Variants in VPS45 observed in about 807,000 individuals in gnomAD.
VPS45 encodes the protein vacuolar protein sorting 45 homolog.
A neutral mutation model predicts 75.9 loss-of-function variants in VPS45; 35 were observed. The observed-to-expected ratio is 0.46, with a 90% CI of 0.35 to 0.61. VPS45 has a LOEUF of 0.61. VPS45 is among the 20% of genes least tolerant of loss of function. VPS45 has a pLI of 0.00. For synonymous variants in VPS45, 220 were observed against 238.2 expected, an observed-to-expected ratio of 0.92 and a Z score of 0.70; for missense variants, 559 against 685.9, an observed-to-expected ratio of 0.81 and a Z score of 2.07.
chr1:150,084,473 A>G (rs1655898622), intron 10 of VPS45, among the ~76,000 whole-genome samples: 2 of 152,192 alleles, frequency 1.3e-5, no homozygotes, highest in South Asian at 4.1e-4. Context: ...CAGGCTGGAT[A>G]TAAAGATAGA....
intron 13 of VPS45, among the ~76,000 whole-genome samples, chr1:150,095,346 G>A (rs1656562052): frequency 6.6e-6 from 1 of 152,194 alleles, no homozygotes; most frequent in African/African-American, 2.4e-5. Flanking sequence ...AGACACGGTG[G>A]CTCACGCCTG....
intron 3 of VPS45, among the ~76,000 whole-genome samples, chr1:150,072,531 C>T (rs1379840632): frequency 1.3e-5 from 2 of 152,022 alleles, no homozygotes; most frequent in African/African-American, 2.4e-5. Flanking sequence ...GTGGCACATG[C>T]CTGTAATCCC....
chr1:150,095,465 T>C lies in VPS45; in HGVS notation c.1493+1817T>C, dbSNP rs1268782413. 5.3e-5 allele frequency among the ~76,000 whole-genome samples: 8 copies of C among 152,062 alleles called. No homozygotes were observed. The East Asian group carries it at 1.5e-3, about 29-fold the overall frequency. Reference sequence around the variant, plus strand: ...CTGTCTCTACTAAAACTACAAAAATTAGCCTGGCGTGGGTAGCAGGCGCCT... The same window carrying C: ...CTGTCTCTACTAAAACTACAAAAATCAGCCTGGCGTGGGTAGCAGGCGCCT... On this transcript the variant is annotated intron_variant, in intron 13 of 14. Coordinates refer to ENST00000644510, the MANE Select transcript of VPS45 (RefSeq NM_007259.5).
At position 150,121,650 on chromosome 1, in the gene VPS45, A is replaced by G. The variant is rs367988864; in HGVS notation, c.1625+11023A>G. ...ATATGGCATGAGTCATTGCTATAGC[A>G]TCACAGAAATTTTCATCAACGTCTA... is the stretch of plus-strand genomic sequence containing the variant. On this transcript the variant is annotated intron_variant, in intron 14 of 14. Transcript: ENST00000644510. 1.2e-4 allele frequency among the ~76,000 whole-genome samples: 19 copies of G among 152,364 alleles called. 2 individuals carry two copies. Among genetic ancestry groups the G allele is most frequent in the East Asian group, 7.7e-4 (4 of 5,188 alleles).
intron 14 of VPS45, among the ~76,000 whole-genome samples, chr1:150,116,884 T>C (rs1347748417): frequency 6.6e-6 from 1 of 152,036 alleles, no homozygotes; most frequent in African/African-American, 2.4e-5. Flanking sequence ...TATCAGCAGG[T>C]TAAAATTAAA....
chr1:150,068,678 G>T lies in VPS45; in HGVS notation c.142G>T (p.Glu48Ter). 1.9e-6 allele frequency: 3 copies of T among 1,612,822 alleles called. No individual in the cohort carries two copies. The highest frequency in any genetic ancestry group is 2.5e-6 in the Non-Finnish European group (3 of 1,179,440). The change falls in exon 2 of 15, where the codon GAA becomes TAA. Residue 48 changes from glutamate (E) to a stop codon, truncating the protein, a stop_gained. Transcript: ENST00000644510. LOFTEE classifies it high-confidence loss of function. Reference sequence around the variant, plus strand: ...CACACAATCGGAGATTCTACAGAAGGAAGTGTACCTCTTTGAACGCATTGA... The same window carrying T: ...CACACAATCGGAGATTCTACAGAAGTAAGTGTACCTCTTTGAACGCATTGA... ...VYTQSEILQK[E>*]VYLFERIDSQ...
intron 13 of VPS45, chr1:150,098,916 T>C (rs1466807939): frequency 1.6e-6 from 2 of 1,241,062 alleles, no homozygotes; most frequent in African/African-American, 3.1e-5. Context: ...AGCTATATGA[T>C]CATGCATTCC....
chr1:150,116,786 G>A (rs587657949), intron 14 of VPS45, among the ~76,000 whole-genome samples: 1 of 152,252 alleles, frequency 6.6e-6, no homozygotes, highest in African/African-American at 2.4e-5. Context: ...TGACCCTTAA[G>A]TGATTCCTCT....
chr1:150,092,919 G>GCAAGCT (rs1373755558), intron 12 of VPS45, among the ~76,000 whole-genome samples: 1 of 127,178 alleles, frequency 7.9e-6, no homozygotes, highest in Non-Finnish European at 1.5e-5. Context: ...TCGGCTCACT[G>GCAAGCT]CAAGCTCTGC....
At chr1:150,093,420 C>A in intron 12 of VPS45, 107 bp from the exon 13 acceptor site, 1 of 1,219,086 alleles carries the variant, frequency 8.2e-7, no homozygotes. Flanking sequence ...TAAATCTATC[C>A]CATGAAATCT....
intron 4 of VPS45, 90 bp from the exon 5 acceptor site, chr1:150,076,826 G>T: frequency 7.0e-7 from 1 of 1,425,958 alleles, no homozygotes; most frequent in Non-Finnish European, 9.8e-7. Flanking sequence ...CACAAAGTTT[G>T]GCTATATCAT....
chr1:150,120,310 A>G (rs1421659082), intron 14 of VPS45, among the ~76,000 whole-genome samples: 1 of 152,182 alleles, frequency 6.6e-6, no homozygotes, highest in Non-Finnish European at 1.5e-5. Flanking sequence ...TGGTTTCTCT[A>G]TTTTTATTTC....
rs952072357 is a variant in VPS45, at chr1:150,082,036, G to T, written c.936+39G>T. 6.1e-6 allele frequency: 8 copies of T among 1,308,568 alleles called. No individual in the cohort carries two copies. The African/African-American group carries it at 1.2e-4, about 19-fold the overall frequency. 81.1% of individuals were successfully genotyped at this position (1,308,568 alleles called of 1,614,324 possible). ...GTACATGAATGACAAACATGTGACA[G>T]TTTGGTACTATTCATGTAAGCAACA... On this transcript the variant is annotated intron_variant, in intron 9 of 14. Transcript: ENST00000644510.
At chr1:150,130,042 T>C (rs1553811939) in intron 14 of VPS45, among the ~76,000 whole-genome samples, 4 of 151,818 alleles carry the variant, frequency 2.6e-5, no homozygotes, top group African/African-American at 9.7e-5. Flanking sequence ...ATCTATCTAT[T>C]TATTTGAGAT....
intron 3 of VPS45, among the ~76,000 whole-genome samples, chr1:150,073,695 GC>G (rs1655206652): frequency 6.6e-6 from 1 of 151,422 alleles, no homozygotes; most frequent in African/African-American, 2.4e-5. Context: ...CCTTTACCCA[GC>G]TTCCCCCTGT....
intron 7 of VPS45, 54 bp from the exon 8 acceptor site, chr1:150,081,288 T>C (rs1365144386): frequency 9.2e-5 from 141 of 1,525,166 alleles, no homozygotes; most frequent in Non-Finnish European, 1.2e-4. Flanking sequence ...TCCTGAACGT[T>C]TACTATTTCC....
At chr1:150,139,601 G>T (rs1446009325) in intron 14 of VPS45, among the ~76,000 whole-genome samples, 1 of 152,102 alleles carries the variant, frequency 6.6e-6, no homozygotes, top group Non-Finnish European at 1.5e-5. Context: ...ATGCTGGGGT[G>T]CAATGGGATG....
intron 10 of VPS45, among the ~76,000 whole-genome samples, chr1:150,090,304 C>G (rs1192104005): frequency 6.6e-6 from 1 of 152,164 alleles, no homozygotes; most frequent in Non-Finnish European, 1.5e-5. Context: ...TCTGTGAAGT[C>G]TTTCCTAATT....
At chr1:150,077,320 A>G (rs978921975) in intron 6 of VPS45, 89 bp downstream of exon 6, 72 of 1,474,952 alleles carry the variant, frequency 4.9e-5, no homozygotes, top group Non-Finnish European at 5.9e-5. Context: ...GTTTATTTAC[A>G]ACCAAGGAGA....
Sources: allele counts gnomAD v4.1 joint callset (sites outside exome capture counted in the v4.1 genomes callset), GRCh38; gene constraint gnomAD v4.1.1; transcripts MANE v1.5; gene names NCBI Gene and HGNC (gene_info 2026-07-23, HGNC 2026-07-21).